Variants in DSCAM observed in about 807,000 individuals in gnomAD.
DSCAM encodes cell adhesion molecule DSCAM.
In DSCAM, 47 loss-of-function variants were observed where a neutral mutation model predicts 217.7. The ratio of observed to expected loss-of-function variants is 0.22; its 90% CI spans 0.17 to 0.28. The LOEUF is 0.28. Ranked by LOEUF, DSCAM falls within the 10% of genes least tolerant of loss-of-function variation. The pLI, the probability that DSCAM is intolerant of heterozygous loss-of-function variation, is 1.00. For synonymous variants in DSCAM, 1,056 were observed against 1,015.3 expected, an observed-to-expected ratio of 1.04 and a Z score of -0.76; for missense variants, 2,080 against 2,618.3, an observed-to-expected ratio of 0.79 and a Z score of 4.49.
intron 11 of DSCAM, among the ~76,000 whole-genome samples, chr21:40,225,018 A>C (rs1569009690): frequency 6.6e-6 from 1 of 152,226 alleles, no homozygotes; most frequent in Non-Finnish European, 1.5e-5. Context: ...TGCATGCTAC[A>C]AGGTGAAGCA....
At chr21:40,192,411 A>C (rs2090961281) in intron 11 of DSCAM, among the ~76,000 whole-genome samples, 1 of 152,132 alleles carries the variant, frequency 6.6e-6, no homozygotes, top group Non-Finnish European at 1.5e-5. Context: ...CACAAGAGCT[A>C]ATGGTTTTAT....
chr21:40,405,208 T>C (rs927867336), intron 3 of DSCAM, among the ~76,000 whole-genome samples: 5 of 152,186 alleles, frequency 3.3e-5, no homozygotes, highest in Non-Finnish European at 5.9e-5. Flanking sequence ...TGAGCAGAGG[T>C]AGACCCTGGG....
At chr21:40,121,024 G>T (rs1273596814) in intron 20 of DSCAM, among the ~76,000 whole-genome samples, 1 of 152,144 alleles carries the variant, frequency 6.6e-6, no homozygotes, top group Non-Finnish European at 1.5e-5. Flanking sequence ...AAGGCATATT[G>T]TGTCCTGATT....
In DSCAM at chr21:40,080,271, C is replaced by T. The variant is rs1171934404; in HGVS notation, c.4301G>A (p.Arg1434His). Residue 1434 changes from arginine (R) to histidine (H), a missense_variant, in exon 25 of 33, where the codon CGT becomes CAT. Physicochemically the swap from Arg to His is conservative, Grantham distance 29. Coordinates refer to ENST00000400454, the MANE Select transcript of DSCAM (RefSeq NM_001389.5). ...TTTGAGATTTTCCAAGCGATAGGAA[C>T]GTTCGCTGGGGCTGATTGGAAAACT... ...WGSFPISPSE[R>H]SYRLENLKCG... 7 of 1,613,458 alleles carry T rather than the reference C, an allele frequency of 4.3e-6. No individual in the cohort carries two copies. The highest frequency in any genetic ancestry group is 1.7e-5 in the Admixed American group (1 of 59,910).
intron 11 of DSCAM, among the ~76,000 whole-genome samples, chr21:40,260,868 AC>A (rs1187857202): frequency 6.6e-6 from 1 of 152,224 alleles, no homozygotes; most frequent in Admixed American, 6.5e-5. Context: ...TAATAATGAA[AC>A]TAGAGATTGG....
intron 11 of DSCAM, among the ~76,000 whole-genome samples, chr21:40,194,448 A>T (rs2090985961): frequency 6.6e-6 from 1 of 152,138 alleles, no homozygotes; most frequent in African/African-American, 2.4e-5. Flanking sequence ...AGCATAACAA[A>T]TGGATGGGGT....
intron 3 of DSCAM, among the ~76,000 whole-genome samples, chr21:40,657,084 G>A (rs974386715): frequency 6.6e-6 from 1 of 152,188 alleles, no homozygotes; most frequent in Non-Finnish European, 1.5e-5. Flanking sequence ...CCCCATTATA[G>A]AAAGTTTTGC....
intron 3 of DSCAM, among the ~76,000 whole-genome samples, chr21:40,675,898 CCTT>C (rs889065480): frequency 7.2e-5 from 11 of 152,186 alleles, no homozygotes; most frequent in Admixed American, 5.9e-4. Flanking sequence ...TTCCTATTCT[CCTT>C]CTGCATAACC....
At chr21:40,131,921 C>T (rs2090158088) in intron 19 of DSCAM, among the ~76,000 whole-genome samples, 1 of 152,158 alleles carries the variant, frequency 6.6e-6, no homozygotes, top group Non-Finnish European at 1.5e-5. Context: ...TGAGACAGAA[C>T]TCCATGATTC....
chr21:40,768,168 C>A (rs2091412466), intron 1 of DSCAM, among the ~76,000 whole-genome samples: 1 of 152,200 alleles, frequency 6.6e-6, no homozygotes, highest in Non-Finnish European at 1.5e-5. Context: ...GTCACCCCTG[C>A]CTGAACTGCA....
At chr21:40,640,138 C>G (rs970362656) in intron 3 of DSCAM, among the ~76,000 whole-genome samples, 8 of 151,126 alleles carry the variant, frequency 5.3e-5, no homozygotes, top group African/African-American at 1.9e-4. Flanking sequence ...AAAGCAGCTG[C>G]AGAGAGGAAA....
intron 1 of DSCAM, among the ~76,000 whole-genome samples, chr21:40,724,359 A>C (rs2090932888): frequency 6.6e-6 from 1 of 152,202 alleles, no homozygotes; most frequent in Admixed American, 6.5e-5. Flanking sequence ...GAACAAACGA[A>C]TGAAGAAAGA....
At chr21:40,530,932 T>A (rs981158857) in intron 3 of DSCAM, among the ~76,000 whole-genome samples, 1 of 137,184 alleles carries the variant, frequency 7.3e-6, no homozygotes. Flanking sequence ...CATCCATCCA[T>A]CCATCCATCC....
At chr21:40,696,649 G>A (rs1288995937) in intron 2 of DSCAM, among the ~76,000 whole-genome samples, 1 of 152,154 alleles carries the variant, frequency 6.6e-6, no homozygotes, top group Non-Finnish European at 1.5e-5. Context: ...AGGGATGCCA[G>A]TAGGGTCCAC....
intron 7 of DSCAM, 134 bp from the exon 8 acceptor site, chr21:40,338,510 T>G: frequency 3.1e-6 from 3 of 977,360 alleles, no homozygotes; most frequent in Non-Finnish European, 4.3e-6. Flanking sequence ...AAACAAATAT[T>G]TTTGCATGTG....
At chr21:40,256,414 GAGAGAGAGAC>G (rs1362373737) in intron 11 of DSCAM, among the ~76,000 whole-genome samples, 5 of 151,218 alleles carry the variant, frequency 3.3e-5, no homozygotes, top group African/African-American at 4.9e-5. Flanking sequence ...CAGAGAGAGA[GAGAGAGAGAC>G]AGAGAGAGAG....
intron 1 of DSCAM, among the ~76,000 whole-genome samples, chr21:40,815,564 G>A (rs981756322): frequency 8.5e-5 from 13 of 152,156 alleles, no homozygotes; most frequent in East Asian, 3.8e-4. Context: ...GATTACGTCC[G>A]TTTTCCAGAT....
At chr21:40,558,332 C>T (rs1323700996) in intron 3 of DSCAM, among the ~76,000 whole-genome samples, 1 of 151,988 alleles carries the variant, frequency 6.6e-6, no homozygotes, top group East Asian at 1.9e-4. Flanking sequence ...CCTGTAGTCC[C>T]AGCTACTCAG....
At chr21:40,241,784 C>T (rs867539479) in intron 11 of DSCAM, among the ~76,000 whole-genome samples, 1 of 152,038 alleles carries the variant, frequency 6.6e-6, no homozygotes, top group South Asian at 2.1e-4. Context: ...AAGAAACTGC[C>T]GTATATATAC....
Sources: gnomAD v4.1 joint callset for allele counts (sites outside exome capture counted in the v4.1 genomes callset) on GRCh38, gnomAD v4.1.1 for gene constraint, MANE v1.5 for transcripts, NCBI Gene and HGNC (gene_info 2026-07-23, HGNC 2026-07-21) for gene names.